LRP1B: variants seen among roughly 807,000 people sequenced by gnomAD.
The protein encoded by LRP1B is low-density lipoprotein receptor-related protein 1B.
In LRP1B, 217 loss-of-function variants were observed where a neutral mutation model predicts 556.6. That is an observed-to-expected ratio of 0.39 (90% confidence interval 0.35 to 0.44). LRP1B has a LOEUF of 0.44. LRP1B is among the 20% of genes least tolerant of loss of function. LRP1B has a pLI of 1.00. For synonymous variants in LRP1B, 2,047 were observed against 1,865.8 expected (o/e 1.10, Z -2.50); for missense variants, 5,053 against 5,620.8 (o/e 0.90, Z 3.23).
chr2:141,488,916 T>C (rs79323969), intron 2 of LRP1B, among the ~76,000 whole-genome samples: 5,027 of 152,042 alleles, frequency 0.033, 271 homozygotes, highest in African/African-American at 0.12. Context: ...CATGAAGATT[T>C]CTAACGTACC....
At chr2:141,719,628 T>C (rs1168031905) in intron 2 of LRP1B, among the ~76,000 whole-genome samples, 2 of 151,956 alleles carry the variant, frequency 1.3e-5, no homozygotes, top group African/African-American at 4.8e-5. Context: ...ATAGAATGTA[T>C]CCACCAACAA....
intron 17 of LRP1B, among the ~76,000 whole-genome samples, chr2:140,989,126 G>T (rs967927063): frequency 6.6e-6 from 1 of 151,778 alleles, no homozygotes; most frequent in Non-Finnish European, 1.5e-5. Flanking sequence ...TATTCACAGA[G>T]GTATTCTATA....
At chr2:141,211,543 G>A (rs965686514) in intron 6 of LRP1B, among the ~76,000 whole-genome samples, 7 of 151,968 alleles carry the variant, frequency 4.6e-5, no homozygotes, top group Non-Finnish European at 1.5e-5. Context: ...CTTGAACCCG[G>A]GAGGCAGAGG....
At chr2:140,695,467 T>G (rs9287298) in intron 41 of LRP1B, among the ~76,000 whole-genome samples, 87,730 of 151,826 alleles carry the variant, frequency 0.58, 26,882 homozygotes, top group Middle Eastern at 0.74. Context: ...AGTCCTTGGA[T>G]TAAGTAAATT....
At chr2:141,042,255 C>T (rs1192715208) in intron 11 of LRP1B, among the ~76,000 whole-genome samples, 2 of 151,998 alleles carry the variant, frequency 1.3e-5, no homozygotes, top group East Asian at 3.9e-4. Flanking sequence ...GAGAAAGTAA[C>T]TTTTTCTGGA....
chr2:141,666,171 T>C (rs1045022379), intron 2 of LRP1B, among the ~76,000 whole-genome samples: 1 of 152,192 alleles, frequency 6.6e-6, no homozygotes, highest in Non-Finnish European at 1.5e-5. Context: ...GGAGTGTATT[T>C]CATAAAAGAG....
In LRP1B at chr2:141,062,039, A is replaced by T. The variant is rs2105467906; in HGVS notation, c.1236+12T>A. The stretch of plus-strand genomic sequence containing the variant: ...TTACCCTAGGAGCGTTGTCTAACAA[A>T]ATTGTACTTACTTGTCTGCCTTGAA... On this transcript the variant is annotated intron_variant, in intron 8 of 90. Coordinates refer to ENST00000389484, the MANE Select transcript of LRP1B (RefSeq NM_018557.3). 6.2e-7 allele frequency: 1 copy of T among 1,606,324 alleles called. No individual in the cohort carries two copies. The highest frequency in any genetic ancestry group is 1.7e-4 in the Middle Eastern group (1 of 6,024).
intron 27 of LRP1B, among the ~76,000 whole-genome samples, chr2:140,859,927 G>A (rs561625773): frequency 1.6e-4 from 24 of 152,140 alleles, no homozygotes; most frequent in African/African-American, 4.8e-4. Flanking sequence ...CCCGGGAGGC[G>A]GAGCTTGCAG....
intron 7 of LRP1B, among the ~76,000 whole-genome samples, chr2:141,107,939 C>T (rs573443820): frequency 6.6e-6 from 1 of 152,064 alleles, no homozygotes; most frequent in African/African-American, 2.4e-5. Flanking sequence ...TTTTAATACA[C>T]AGTTGGAAAA....
intron 86 of LRP1B, among the ~76,000 whole-genome samples, chr2:140,252,421 T>C (rs1681479044): frequency 6.6e-6 from 1 of 151,992 alleles, no homozygotes; most frequent in Non-Finnish European, 1.5e-5. Context: ...ATAAGAATCC[T>C]ATGAGTAGGC....
chr2:140,567,943 G>C (rs116442251), intron 43 of LRP1B, among the ~76,000 whole-genome samples: 2 of 152,102 alleles, frequency 1.3e-5, no homozygotes, highest in African/African-American at 4.8e-5. Context: ...CACACCCTTC[G>C]TAACCAGTAC....
At chr2:141,160,686 T>C (rs540886529) in intron 7 of LRP1B, among the ~76,000 whole-genome samples, 67 of 152,116 alleles carry the variant, frequency 4.4e-4, no homozygotes, top group Admixed American at 7.2e-4. Context: ...ACTATACTTA[T>C]TAAATACTCT....
intron 3 of LRP1B, among the ~76,000 whole-genome samples, chr2:141,432,560 C>T (rs1229138272): frequency 1.3e-5 from 2 of 151,742 alleles, no homozygotes; most frequent in African/African-American, 2.4e-5. Context: ...GCTATCTGGG[C>T]CTTTCTTTGT....
chr2:140,673,134 T>C (rs1015517218), intron 41 of LRP1B, among the ~76,000 whole-genome samples: 8 of 152,170 alleles, frequency 5.3e-5, no homozygotes, highest in African/African-American at 1.9e-4. Flanking sequence ...TCATTTTACT[T>C]CTGCATTTTA....
intron 18 of LRP1B, among the ~76,000 whole-genome samples, chr2:140,961,190 A>G (rs1234898649): frequency 1.3e-5 from 2 of 152,032 alleles, no homozygotes; most frequent in African/African-American, 4.8e-5. Context: ...AAATATCAAT[A>G]AGGATACATA....
intron 2 of LRP1B, among the ~76,000 whole-genome samples, chr2:141,544,332 T>TTCC (rs1559131100): frequency 8.0e-5 from 2 of 25,126 alleles, no homozygotes; most frequent in African/African-American, 1.7e-4. Context: ...CTTCTTCTTC[T>TTCC]TCTTCTTCTT....
At chr2:140,677,787 A>G (rs999667368) in intron 41 of LRP1B, among the ~76,000 whole-genome samples, 6 of 151,840 alleles carry the variant, frequency 4.0e-5, no homozygotes, top group Non-Finnish European at 8.8e-5. Flanking sequence ...GAGGCGGGAG[A>G]ATCGCCAGAA....
chr2:141,157,304 CATT>C (rs150072918), intron 7 of LRP1B, among the ~76,000 whole-genome samples: 4,295 of 151,956 alleles, frequency 0.028, 78 homozygotes, highest in East Asian at 0.062. Flanking sequence ...AATAAAGTTT[CATT>C]ATTACTTCAT....
chr2:141,215,034 AT>A (rs1197102864), intron 6 of LRP1B, among the ~76,000 whole-genome samples: 1 of 152,188 alleles, frequency 6.6e-6, no homozygotes, highest in Admixed American at 6.5e-5. Flanking sequence ...CTCATGTTAA[AT>A]TGTAATCCCC....
Sources: allele counts gnomAD v4.1 joint callset (sites outside exome capture counted in the v4.1 genomes callset), GRCh38; gene constraint gnomAD v4.1.1; transcripts MANE v1.5; gene names NCBI Gene and HGNC (gene_info 2026-07-23, HGNC 2026-07-21).